Variants in DYSF observed in about 807,000 individuals in gnomAD.
DYSF encodes the protein dysferlin.
In DYSF, 212 loss-of-function variants were observed where a neutral mutation model predicts 274.9. The observed-to-expected ratio is 0.77, with a 90% CI of 0.69 to 0.86. DYSF has a LOEUF of 0.86. Ranked by LOEUF, DYSF falls within the 40% of genes least tolerant of loss-of-function variation. DYSF has a pLI of 0.00. For synonymous variants in DYSF, 1,091 were observed against 1,078.7 expected (o/e 1.01, Z -0.22); for missense variants, 2,666 against 2,783.2 (o/e 0.96, Z 0.95).
intron 26 of DYSF, 37 bp downstream of exon 26, chr2:71,568,375 C>T: frequency 6.2e-7 from 1 of 1,610,000 alleles, no homozygotes; most frequent in Non-Finnish European, 8.5e-7. Context: ...GAGAGCCAGG[C>T]CAGGCTGCCC....
At chr2:71,617,548 GTGTA>G (rs2093912822) in intron 40 of DYSF, among the ~76,000 whole-genome samples, 2 of 152,126 alleles carry the variant, frequency 1.3e-5, no homozygotes, top group South Asian at 4.1e-4. Context: ...GGGTACGTGT[GTGTA>G]TGTATGAGTG....
intron 29 of DYSF, among the ~76,000 whole-genome samples, chr2:71,573,044 G>A (rs1309583693): frequency 1.3e-5 from 2 of 152,228 alleles, no homozygotes; most frequent in African/African-American, 4.8e-5. Flanking sequence ...CGCCTGTCCT[G>A]GACCTTCTTG....
intron 36 of DYSF, chr2:71,610,750 G>T (rs2093739051): frequency 4.3e-6 from 1 of 231,806 alleles, no homozygotes; most frequent in African/African-American, 2.2e-5. Context: ...GCTGGAAGGT[G>T]TCTAGGGGTG....
At chr2:71,551,481 A>T in intron 18 of DYSF, 126 bp from the exon 19 acceptor site, 2 of 775,228 alleles carry the variant, frequency 2.6e-6, no homozygotes, top group Non-Finnish European at 2.2e-6. Context: ...TGCAGGGGGG[A>T]TGAGGTTGGC....
rs200721819 is a variant in DYSF at position 71,559,141 on chromosome 2, A to G, written c.2217-2611A>G. 2.8e-4 allele frequency among the ~76,000 whole-genome samples: 42 copies of G among 152,154 alleles called. No homozygotes were observed. In the East Asian group the frequency reaches 7.0e-3, roughly 25 times the overall value. On this transcript the variant is annotated intron_variant, in intron 22 of 55. Coordinates refer to ENST00000410020, the MANE Select transcript of DYSF (RefSeq NM_001130987.2). ...CTGGTGGTGTCCACTCTGTTCCTCC[A>G]GCCCAGCCCTCTTCTCTGATCTCTA...
chr2:71,634,040 G>C (rs988030114), intron 41 of DYSF, among the ~76,000 whole-genome samples: 7 of 152,170 alleles, frequency 4.6e-5, no homozygotes, highest in African/African-American at 1.4e-4. Flanking sequence ...ATAGATCTCC[G>C]CTATTTTCTC....
At chr2:71,593,194 G>A (rs544580626) in intron 32 of DYSF, among the ~76,000 whole-genome samples, 5 of 142,804 alleles carry the variant, frequency 3.5e-5, no homozygotes, top group African/African-American at 5.3e-5. Context: ...GTGCAATGGC[G>A]CTATCTTGGC....
At chr2:71,669,246 C>A in intron 50 of DYSF, 39 bp downstream of exon 50, 1 of 1,513,626 alleles carries the variant, frequency 6.6e-7, no homozygotes, top group Non-Finnish European at 9.1e-7. Context: ...CAGCTTCCCG[C>A]AGCTCCCGTG....
intron 27 of DYSF, 93 bp downstream of exon 27, chr2:71,570,027 C>A: frequency 1.6e-6 from 2 of 1,227,316 alleles, no homozygotes; most frequent in Non-Finnish European, 2.4e-6. Flanking sequence ...TTTCTCTTTG[C>A]CCCCTCTTAC....
chr2:71,459,319 G>A (rs1329950930), intron 1 of DYSF, among the ~76,000 whole-genome samples: 1 of 152,186 alleles, frequency 6.6e-6, no homozygotes, highest in Non-Finnish European at 1.5e-5. Context: ...GAGGAGAACT[G>A]GCCCAACTCC....
Position 71,674,242 on chromosome 2 carries a change from C to G in DYSF, c.5830C>G (p.Arg1944Gly). ...LDKTESKIPARVVFQIWDNDK... is the reference protein window; with the variant it reads ...LDKTESKIPAGVVFQIWDNDK... ...CAAGACTGAGAGCAAAATCCCAGCA[C>G]GAGTGGTGTTCCAGATCTGGGACAA... Residue 1944 changes from arginine to glycine, a missense_variant, in exon 52 of 56, where the codon CGA becomes GGA. Transcript: ENST00000410020. 2 of 1,614,240 alleles carry G rather than the reference C, an allele frequency of 1.2e-6. No individual in the cohort carries two copies. The highest frequency in any genetic ancestry group is 1.7e-6 in the Non-Finnish European group (2 of 1,180,052).
chr2:71,481,985 G>C lies in DYSF; in HGVS notation c.239+15G>C, dbSNP rs376711978. ...GGGAGGAACAGGTAAGGTGGCCAGA[G>C]GGGGGTGCTCCATGGCTTGAAGGTG... On this transcript the variant is annotated intron_variant, in intron 3 of 55. Coordinates refer to ENST00000410020, the MANE Select transcript of DYSF (RefSeq NM_001130987.2). 7.0e-5 allele frequency: 112 copies of C among 1,607,752 alleles called. No individual in the cohort carries two copies. The highest frequency in any genetic ancestry group is 2.5e-4 in the Admixed American group (15 of 59,992).
rs187735752 is a variant in DYSF at position 71,509,943 on chromosome 2, T to C, written c.346-1864T>C. Among the ~76,000 whole-genome samples the C allele has an allele frequency of 6.7e-3, 1,023 of 152,072 alleles. 9 individuals are homozygous for C. The highest frequency in any genetic ancestry group is 0.042 in the South Asian group (203 of 4,814). On this transcript the variant is annotated intron_variant, in intron 4 of 55. Transcript: ENST00000410020. The stretch of plus-strand genomic sequence containing the variant: ...GGTGCATGCCACCACGCCTGGCTAA[T>C]ATGTTTGTATTTTTAGTAGAGATGG...
intron 33 of DYSF, among the ~76,000 whole-genome samples, chr2:71,600,465 G>A (rs1450731580): frequency 6.6e-6 from 1 of 152,152 alleles, no homozygotes; most frequent in Admixed American, 6.5e-5. Context: ...CTGTCCAGAG[G>A]GACTTCCCGA....
At chr2:71,658,396 A>G (rs1249629416) in intron 43 of DYSF, among the ~76,000 whole-genome samples, 2 of 151,952 alleles carry the variant, frequency 1.3e-5, no homozygotes, top group East Asian at 1.9e-4. Context: ...AACTGTTCCA[A>G]CCTCTGCCTG....
rs12713754 is a variant in DYSF, at chr2:71,520,593, C to G, written c.1034-196C>G. 0.67 allele frequency among the ~76,000 whole-genome samples: 101,891 copies of G among 152,096 alleles called. 35,028 individuals carry two copies. Among genetic ancestry groups the G allele is most frequent in the African/African-American group, 0.76 (31,658 of 41,492 alleles). On this transcript the variant is annotated intron_variant, in intron 11 of 55. Coordinates refer to ENST00000410020, the MANE Select transcript of DYSF (RefSeq NM_001130987.2). ...TTTGGCTCTGCCAGCCTCTTACAGG[C>G]GTTTCTGTTAATATTTCTGACTCTG...
chr2:71,541,606 G>A (rs950294120), intron 17 of DYSF, among the ~76,000 whole-genome samples: 3 of 150,686 alleles, frequency 2.0e-5, no homozygotes, highest in Admixed American at 6.6e-5. Flanking sequence ...TGATTTTATT[G>A]TTTCCTTCTT....
intron 32 of DYSF, among the ~76,000 whole-genome samples, chr2:71,597,655 C>T (rs2093438256): frequency 6.6e-6 from 1 of 152,136 alleles, no homozygotes; most frequent in African/African-American, 2.4e-5. Context: ...ACCAACTTGC[C>T]TTTGGGACAA....
chr2:71,647,718 A>G (rs2094589043), intron 42 of DYSF, among the ~76,000 whole-genome samples: 1 of 152,250 alleles, frequency 6.6e-6, no homozygotes, highest in Non-Finnish European at 1.5e-5. Context: ...TAGCAAAAAT[A>G]TACTTTCTAA....
Sources: gnomAD v4.1 joint callset for allele counts (sites outside exome capture counted in the v4.1 genomes callset) on GRCh38, gnomAD v4.1.1 for gene constraint, MANE v1.5 for transcripts, NCBI Gene and HGNC (gene_info 2026-07-23, HGNC 2026-07-21) for gene names.